LTBP2: variants seen among roughly 807,000 people sequenced by gnomAD.
LTBP2 encodes the protein latent-transforming growth factor beta-binding protein 2.
LTBP2 carries 103 observed loss-of-function variants against 210.6 expected under a neutral mutation model. The observed-to-expected ratio is 0.49, with a 90% CI of 0.42 to 0.58. The LOEUF is 0.58. Among genes scored for constraint, LTBP2 ranks in the 20% least tolerant of loss-of-function variants. LTBP2 has a pLI of 0.00. For synonymous variants in LTBP2, 1,007 were observed against 1,015.0 expected (o/e 0.99, Z 0.15); for missense variants, 2,313 against 2,494.5 (o/e 0.93, Z 1.55).
intron 3 of LTBP2, among the ~76,000 whole-genome samples, chr14:74,558,394 C>CA (rs578131769): frequency 1.4e-3 from 213 of 152,066 alleles, no homozygotes; most frequent in African/African-American, 4.8e-3. Context: ...GACTCAATCT[C>CA]AAAAAAACAA....
intron 8 of LTBP2, among the ~76,000 whole-genome samples, chr14:74,548,160 T>C (rs112244159): frequency 1.3e-5 from 2 of 151,344 alleles, no homozygotes; most frequent in African/African-American, 4.9e-5. Context: ...AGTTGTGCAC[T>C]GCACAAAAGC....
At chr14:74,527,944 C>T (rs2087295850) in intron 12 of LTBP2, among the ~76,000 whole-genome samples, 2 of 152,222 alleles carry the variant, frequency 1.3e-5, no homozygotes. Context: ...TTCCAGGCCT[C>T]CTGCATTCAG....
At chr14:74,543,159 A>G (rs2087531290) in intron 8 of LTBP2, among the ~76,000 whole-genome samples, 1 of 151,588 alleles carries the variant, frequency 6.6e-6, no homozygotes, top group Non-Finnish European at 1.5e-5. Flanking sequence ...CAGGCAGATC[A>G]CGAGGTCGGG....
At chr14:74,517,372 A>G (rs2087149394) in intron 17 of LTBP2, among the ~76,000 whole-genome samples, 1 of 151,760 alleles carries the variant, frequency 6.6e-6, no homozygotes, top group Admixed American at 6.6e-5. Context: ...TTATTTATTG[A>G]GACGGAGTTT....
At chr14:74,557,713 A>G (rs1170273479) in intron 3 of LTBP2, among the ~76,000 whole-genome samples, 1 of 151,574 alleles carries the variant, frequency 6.6e-6, no homozygotes, top group Non-Finnish European at 1.5e-5. Context: ...CACAATGTCT[A>G]TGAACCACTG....
At chr14:74,524,662 G>A (rs2087249085) in intron 15 of LTBP2, among the ~76,000 whole-genome samples, 1 of 152,050 alleles carries the variant, frequency 6.6e-6, no homozygotes, top group South Asian at 2.1e-4. Context: ...ATGCAGGCTT[G>A]GTTAAACAAC....
intron 10 of LTBP2, among the ~76,000 whole-genome samples, chr14:74,529,384 C>T (rs2087321523): frequency 6.6e-6 from 1 of 152,208 alleles, no homozygotes; most frequent in Non-Finnish European, 1.5e-5. Flanking sequence ...AACCTGAGAG[C>T]AGGGAATGAG....
At position 74,586,088 on chromosome 14, in the gene LTBP2, C is replaced by T; in HGVS notation, c.596G>A (p.Gly199Asp). 2 of 1,600,532 alleles carry T rather than the reference C, an allele frequency of 1.2e-6. No homozygotes were observed. Among genetic ancestry groups the T allele is most frequent in the South Asian group, 1.1e-5 (1 of 88,804 alleles). ...PVCEPPCQNR[G>D]SCSRPQLCVC... ...ACAGAGCTGCGGGCGGCTGCAGGAG[C>T]CCCGGTTCTGGCACGGCGGCTCGCA... The change falls in exon 3 of 36, where the codon GGC (glycine) becomes GAC (aspartate). Residue 199 changes from glycine (G) to aspartate (D), a missense_variant. Coordinates refer to ENST00000261978, the MANE Select transcript of LTBP2 (RefSeq NM_000428.3). The surrounding 1 kb of genome is among the most constrained non-coding windows in gnomAD (Gnocchi z 4.6).
chr14:74,603,702 C>T lies in LTBP2; in HGVS notation c.498G>A (p.Arg166=). ...PTPPRGRLTG[R]NVCGGQCCPG... is the part of the protein sequence containing the mutation. ...GGCAGCACTGTCCCCCGCAGACGTT[C>T]CTCCTGTGGGGTCACCAAAACAGAG... Residue 166 remains arginine, a synonymous_variant, in exon 2 of 36, where the codon AGG becomes AGA. Transcript: ENST00000261978. 2 of 1,614,130 alleles carry T rather than the reference C, an allele frequency of 1.2e-6. No homozygotes were observed. Among genetic ancestry groups the T allele is most frequent in the Non-Finnish European group, 1.7e-6 (2 of 1,179,962 alleles).
At chr14:74,533,833 A>C (rs1239356121) in intron 9 of LTBP2, among the ~76,000 whole-genome samples, 4 of 152,168 alleles carry the variant, frequency 2.6e-5, no homozygotes, top group African/African-American at 7.2e-5. Context: ...CTAAGATATG[A>C]GGAGTCGGGG....
chr14:74,516,095 G>A (rs1402816155), intron 18 of LTBP2, among the ~76,000 whole-genome samples: 3 of 152,212 alleles, frequency 2.0e-5, no homozygotes, highest in African/African-American at 2.4e-5. Context: ...GCCTAAGCTC[G>A]GACCCAGGGC....
In LTBP2 at chr14:74,551,174, T is replaced by G. The variant is rs1395054168; in HGVS notation, c.1576A>C (p.Ser526Arg). 6.2e-7 allele frequency: 1 copy of G among 1,613,894 alleles called. No homozygotes were observed. The highest frequency in any genetic ancestry group is 1.7e-5 in the Admixed American group (1 of 60,022). ...PASPGHSLWD[S>R]NNIPARSGEP... ...CCAGACCGAGCAGGGATGTTGTTGC[T>G]GTCCCAGAGGCTGTGGCCAGGGCTG... Residue 526 changes from serine (S) to arginine (R), a missense_variant, in exon 7 of 36, where the codon AGC (serine) becomes CGC (arginine). Transcript: ENST00000261978.
At chr14:74,512,573 T>C (rs929705620) in intron 18 of LTBP2, among the ~76,000 whole-genome samples, 1 of 152,140 alleles carries the variant, frequency 6.6e-6, no homozygotes, top group African/African-American at 2.4e-5. Flanking sequence ...CTGAGGTTGT[T>C]TGGCTTCCAG....
Position 74,500,729 on chromosome 14 carries a change from C to T in LTBP2, c.*155G>A, listed in dbSNP as rs1312480019. ...TGGAGGCAATGACCGAAGCTTACAGCCAGAGGCTAAGCTGGGAGAGATGAA... is the reference window on the plus strand; with the variant it reads ...TGGAGGCAATGACCGAAGCTTACAGTCAGAGGCTAAGCTGGGAGAGATGAA... On this transcript the variant is annotated 3_prime_UTR_variant, in exon 36 of 36. Transcript: ENST00000261978. 2 of 1,022,582 alleles carry T rather than the reference C, an allele frequency of 2.0e-6. No homozygotes were observed. Among genetic ancestry groups the T allele is most frequent in the Non-Finnish European group, 1.5e-6 (1 of 667,732 alleles). The allele number at this position is 1,022,582 out of a possible 1,614,324, so 63.3% of individuals were successfully genotyped here.
intron 25 of LTBP2, 94 bp from the exon 26 acceptor site, chr14:74,507,404 G>A: frequency 6.5e-7 from 1 of 1,549,666 alleles, no homozygotes; most frequent in Non-Finnish European, 8.9e-7. Flanking sequence ...TGGGGTTCTT[G>A]ATCTATTCCA....
intron 12 of LTBP2, 52 bp downstream of exon 12, chr14:74,528,431 G>A (rs2087303188): frequency 6.3e-7 from 1 of 1,598,690 alleles, no homozygotes; most frequent in South Asian, 1.1e-5. Context: ...CTGAGGTGCT[G>A]GAAACTTAGG....
At chr14:74,585,757 C>T in intron 3 of LTBP2, 97 bp downstream of exon 3, 1 of 1,586,290 alleles carries the variant, frequency 6.3e-7, no homozygotes, top group East Asian at 2.3e-5. Context: ...ACTCTGCGGC[C>T]TTCTCCACCA....
chr14:74,608,013 C>T (rs926252380), intron 1 of LTBP2, among the ~76,000 whole-genome samples: 10 of 151,634 alleles, frequency 6.6e-5, no homozygotes, highest in East Asian at 1.9e-4. Context: ...CTCCGCTTCC[C>T]GGGTTCACGC....
chr14:74,595,698 G>A (rs2088350788), intron 2 of LTBP2, among the ~76,000 whole-genome samples: 1 of 152,194 alleles, frequency 6.6e-6, no homozygotes, highest in South Asian at 2.1e-4. Context: ...GGACAGTTTG[G>A]CCCTGCAGTC....
Sources: gnomAD v4.1 joint callset for allele counts (sites outside exome capture counted in the v4.1 genomes callset) on GRCh38, gnomAD v4.1.1 for gene constraint, Gnocchi (gnomAD v3.1) non-coding constraint, MANE v1.5 for transcripts, NCBI Gene and HGNC (gene_info 2026-07-23, HGNC 2026-07-21) for gene names.